Variants in ATG10 observed in about 807,000 individuals in gnomAD.
ATG10 encodes ubiquitin-like-conjugating enzyme ATG10.
A neutral mutation model predicts 32.1 loss-of-function variants in ATG10; 30 were observed. The observed-to-expected ratio is 0.94, with a 90% CI of 0.70 to 1.27. The LOEUF (loss-of-function observed/expected upper bound fraction) is 1.27, where lower values mean the gene tolerates loss of function less well. Ranked by LOEUF, ATG10 falls within the 50% of genes most tolerant of loss-of-function variation. ATG10 has a pLI of 0.00. For synonymous variants in ATG10, 87 were observed against 91.5 expected (o/e 0.95, Z 0.28); for missense variants, 233 against 262.3 (o/e 0.89, Z 0.77).
intron 1 of ATG10, chr5:81,973,334 T>A (rs1760781454): frequency 6.6e-6 from 1 of 152,194 alleles, no homozygotes; most frequent in African/African-American, 2.4e-5. Context: ...TTCACCATAT[T>A]GGCCAGGCTG....
chr5:82,118,385 T>TAC, intron 3 of ATG10, among the ~76,000 whole-genome samples: 2 of 53,098 alleles, frequency 3.8e-5, no homozygotes, highest in African/African-American at 1.3e-4. Flanking sequence ...ATAATATATG[T>TAC]ACATATATAT....
chr5:82,184,055 C>T (rs1581779823), intron 5 of ATG10, among the ~76,000 whole-genome samples: 1 of 152,114 alleles, frequency 6.6e-6, no homozygotes, highest in South Asian at 2.1e-4. Context: ...TGTGCAATTC[C>T]TGCCCAGACT....
chr5:82,141,692 C>T (rs140957373), intron 3 of ATG10, among the ~76,000 whole-genome samples: 13 of 151,764 alleles, frequency 8.6e-5, no homozygotes, highest in Non-Finnish European at 1.5e-4. Flanking sequence ...AAAATTTATA[C>T]GTAGGATTTA....
chr5:82,085,517 A>G (rs1472107430), intron 3 of ATG10, among the ~76,000 whole-genome samples: 2 of 151,194 alleles, frequency 1.3e-5, no homozygotes, highest in Non-Finnish European at 2.9e-5. Flanking sequence ...GAGGGATAGC[A>G]TTAGGAGATA....
chr5:81,982,227 G>A (rs567792023), intron 1 of ATG10, among the ~76,000 whole-genome samples: 1 of 152,290 alleles, frequency 6.6e-6, no homozygotes, highest in Admixed American at 6.5e-5. Context: ...GGAGGCCGAG[G>A]TGGGGTGGTG....
At chr5:82,250,406 A>G (rs979316369) in intron 5 of ATG10, among the ~76,000 whole-genome samples, 3 of 152,192 alleles carry the variant, frequency 2.0e-5, no homozygotes, top group Admixed American at 2.0e-4. Flanking sequence ...TCTGAAGGCT[A>G]CAGGATCCAG....
intron 3 of ATG10, among the ~76,000 whole-genome samples, chr5:82,137,231 C>T (rs1766797091): frequency 6.6e-6 from 1 of 152,170 alleles, no homozygotes; most frequent in South Asian, 2.1e-4. Context: ...CAAACTCATT[C>T]TCCATCAAGT....
At chr5:82,149,207 G>C (rs993288672) in intron 3 of ATG10, among the ~76,000 whole-genome samples, 1 of 151,720 alleles carries the variant, frequency 6.6e-6, no homozygotes, top group Non-Finnish European at 1.5e-5. Context: ...GGCAGCCCTG[G>C]TTGCCCCCAG....
intron 3 of ATG10, among the ~76,000 whole-genome samples, chr5:82,061,245 G>A (rs1561279102): frequency 1.3e-5 from 2 of 151,974 alleles, no homozygotes; most frequent in South Asian, 4.2e-4. Context: ...CTCTATAGCA[G>A]AAACAGTAAT....
At chr5:82,090,848 T>C (rs902557202) in intron 3 of ATG10, among the ~76,000 whole-genome samples, 1 of 152,232 alleles carries the variant, frequency 6.6e-6, no homozygotes, top group Non-Finnish European at 1.5e-5. Flanking sequence ...TGTGTAAGTA[T>C]AATCTCAAGA....
chr5:82,190,725 G>GAT (rs1248624982), intron 5 of ATG10, among the ~76,000 whole-genome samples: 1 of 116,090 alleles, frequency 8.6e-6, no homozygotes, highest in East Asian at 3.0e-4. Context: ...AGTGAGCCGA[G>GAT]ATCACACCAC....
chr5:82,163,440 A>G (rs1743446293), intron 3 of ATG10, among the ~76,000 whole-genome samples: 1 of 152,220 alleles, frequency 6.6e-6, no homozygotes, highest in Non-Finnish European at 1.5e-5. Flanking sequence ...GCTTATCTCC[A>G]CAGGAAACCT....
chr5:82,177,195 AC>A (rs954147891), intron 4 of ATG10, among the ~76,000 whole-genome samples: 19 of 152,300 alleles, frequency 1.2e-4, no homozygotes, highest in African/African-American at 4.3e-4. Context: ...AAAGAACAAT[AC>A]CCAGAAAGGA....
chr5:82,013,865 G>A (rs1326290343), intron 2 of ATG10, among the ~76,000 whole-genome samples: 2 of 150,638 alleles, frequency 1.3e-5, no homozygotes, highest in African/African-American at 4.9e-5. Context: ...TTTTTTTCTT[G>A]CTGATTTGTT....
chr5:82,127,244 A>G (rs930943606), intron 3 of ATG10, among the ~76,000 whole-genome samples: 23 of 152,016 alleles, frequency 1.5e-4, no homozygotes, highest in Middle Eastern at 3.2e-3. Context: ...TCCTGGATTC[A>G]TTGATTTTTT....
chr5:82,110,252 A>AT (rs1765575606), intron 3 of ATG10, among the ~76,000 whole-genome samples: 1 of 152,188 alleles, frequency 6.6e-6, no homozygotes, highest in African/African-American at 2.4e-5. Context: ...TAGTGCCACA[A>AT]TAAACATAGG....
chr5:81,972,604 T>A (rs1400764910), intron 1 of ATG10: 1 of 152,234 alleles, frequency 6.6e-6, no homozygotes, highest in African/African-American at 2.4e-5. Flanking sequence ...GGGTAGTAAC[T>A]ACTTTGTGTT....
chr5:82,227,618 C>T (rs986631930), intron 5 of ATG10, among the ~76,000 whole-genome samples: 19 of 152,068 alleles, frequency 1.2e-4, no homozygotes, highest in Non-Finnish European at 2.4e-4. Context: ...TCAGGTGATC[C>T]GCCTGCCTCG....
chr5:82,001,846 G>C (rs971933830), intron 2 of ATG10, among the ~76,000 whole-genome samples: 2 of 152,148 alleles, frequency 1.3e-5, no homozygotes, highest in African/African-American at 4.8e-5. Flanking sequence ...AGAGTAAACA[G>C]ACAATCTACA....
Sources: allele counts gnomAD v4.1 joint callset (sites outside exome capture counted in the v4.1 genomes callset), GRCh38; gene constraint gnomAD v4.1.1; transcripts MANE v1.5; gene names NCBI Gene and HGNC (gene_info 2026-07-23, HGNC 2026-07-21).